The following PARD3B variants were observed in gnomAD, a reference collection of about 807,000 sequenced individuals.
PARD3B encodes par-3 family cell polarity regulator beta.
PARD3B carries 103 observed loss-of-function variants against 130.2 expected under a neutral mutation model. The ratio of observed to expected loss-of-function variants is 0.79; its 90% CI spans 0.67 to 0.93. The LOEUF (loss-of-function observed/expected upper bound fraction) is 0.93, where lower values mean the gene tolerates loss of function less well. Ranked by LOEUF, PARD3B falls within the 40% of genes least tolerant of loss-of-function variation. The probability of loss-of-function intolerance (pLI) is 0.00; values close to 1 mark genes in which losing one functional copy is unlikely to be tolerated. For synonymous variants in PARD3B, 583 were observed against 553.2 expected, an observed-to-expected ratio of 1.05 and a Z score of -0.76; for missense variants, 1,609 against 1,499.2, an observed-to-expected ratio of 1.07 and a Z score of -1.21.
intron 10 of PARD3B, among the ~76,000 whole-genome samples, chr2:205,144,117 T>C (rs560428432): frequency 6.6e-6 from 1 of 152,330 alleles, no homozygotes; most frequent in South Asian, 2.1e-4. Context: ...GCGAATTCAT[T>C]TGGCCAATAA....
At chr2:204,596,112 C>T (rs777405538) in intron 1 of PARD3B, among the ~76,000 whole-genome samples, 1 of 152,170 alleles carries the variant, frequency 6.6e-6, no homozygotes, top group Admixed American at 6.5e-5. Context: ...TAAACAATTA[C>T]ATTTAGAATT....
chr2:205,523,243 TTATATATATA>T (rs1210115446), intron 21 of PARD3B, among the ~76,000 whole-genome samples: 1 of 144,322 alleles, frequency 6.9e-6, no homozygotes, highest in South Asian at 2.1e-4. Context: ...ATATATATAT[TTATATATATA>T]TATATTTTTG....
chr2:205,613,027 T>C (rs963177250), intron 22 of PARD3B, among the ~76,000 whole-genome samples: 13 of 152,104 alleles, frequency 8.5e-5, no homozygotes, highest in African/African-American at 3.1e-4. Context: ...TCCAAAAATT[T>C]AAAAAAACAA....
At chr2:205,181,183 T>A (rs2035767140) in intron 13 of PARD3B, among the ~76,000 whole-genome samples, 1 of 152,182 alleles carries the variant, frequency 6.6e-6, no homozygotes, top group African/African-American at 2.4e-5. Context: ...GGTGGTTCTG[T>A]GACCTGTCTC....
rs2042014641 is a variant in PARD3B at position 205,301,892 on chromosome 2, C to G, written c.2630+191C>G. On this transcript the variant is annotated intron_variant, in intron 18 of 22. Transcript: ENST00000406610. This position sits in a 1 kb window ranked among gnomAD's most constrained non-coding sequence, Gnocchi z 5.2. ...TTTTTGGGGAAAGTTACAGTGATGA[C>G]AGGACACTGTCTTAAGTTTGTTGTC... 1.2e-6 allele frequency: 1 copy of G among 851,444 alleles called. No individual in the cohort carries two copies. The highest frequency in any genetic ancestry group is 1.7e-5 in the African/African-American group (1 of 60,174). The allele number at this position is 851,444 out of a possible 1,614,324, so 52.7% of individuals were successfully genotyped here. A position where few individuals can be genotyped will look rare whatever the true frequency, so the allele number is the denominator to read the frequency against.
At chr2:205,172,416 C>G (rs2035225905) in intron 12 of PARD3B, 35 bp downstream of exon 12, 2 of 1,589,080 alleles carry the variant, frequency 1.3e-6, no homozygotes, top group Admixed American at 1.7e-5. Context: ...AGCCAGTTGC[C>G]CAAATTGCCA....
intron 18 of PARD3B, among the ~76,000 whole-genome samples, chr2:205,305,596 A>T (rs2042159746): frequency 6.6e-6 from 1 of 152,204 alleles, no homozygotes. Flanking sequence ...ATATTTAGAT[A>T]AGAATTTTGT....
intron 18 of PARD3B, among the ~76,000 whole-genome samples, chr2:205,329,709 G>A (rs1298119067): frequency 6.6e-6 from 1 of 152,178 alleles, no homozygotes; most frequent in Admixed American, 6.5e-5. Context: ...AAATAATCAT[G>A]GCCGGGCACA....
chr2:204,784,228 C>T (rs552906934), intron 2 of PARD3B, among the ~76,000 whole-genome samples: 1 of 152,272 alleles, frequency 6.6e-6, no homozygotes, highest in South Asian at 2.1e-4. Context: ...ATCCTACATG[C>T]CTACTCTAAC....
intron 2 of PARD3B, among the ~76,000 whole-genome samples, chr2:204,845,946 G>A (rs914231902): frequency 8.5e-5 from 13 of 152,122 alleles, no homozygotes; most frequent in Middle Eastern, 3.4e-3. Flanking sequence ...AACACCATAC[G>A]TAGTTAAAAT....
In PARD3B at chr2:205,341,220, C is replaced by A. The variant is rs1205022008; in HGVS notation, c.2630+39519C>A. 2.0e-5 allele frequency among the ~76,000 whole-genome samples: 3 copies of A among 152,080 alleles called. No individual in the cohort carries two copies. Among genetic ancestry groups the A allele is most frequent in the Admixed American group, 2.0e-4 (3 of 15,278 alleles). Reference sequence around the variant, plus strand: ...CTATATTAAAATTAGGACTGCCATGCAATCCAACAATCCCACTACTGGGTA... The same window carrying A: ...CTATATTAAAATTAGGACTGCCATGAAATCCAACAATCCCACTACTGGGTA... On this transcript the variant is annotated intron_variant, in intron 18 of 22. Transcript: ENST00000406610. The surrounding 1 kb of genome is among the most constrained non-coding windows in gnomAD (Gnocchi z 4.3).
chr2:205,092,427 A>G (rs1702162758), intron 4 of PARD3B, among the ~76,000 whole-genome samples: 2 of 152,172 alleles, frequency 1.3e-5, no homozygotes, highest in African/African-American at 2.4e-5. Flanking sequence ...ACATCAAGGT[A>G]GCAGAGACAA....
At chr2:205,124,061 CAT>C (rs1312163462) in intron 8 of PARD3B, among the ~76,000 whole-genome samples, 1 of 152,178 alleles carries the variant, frequency 6.6e-6, no homozygotes, top group African/African-American at 2.4e-5. Context: ...ATCTGGATAA[CAT>C]GTGCATTTCT....
At chr2:205,097,610 A>G (rs890432919) in intron 4 of PARD3B, among the ~76,000 whole-genome samples, 6 of 152,120 alleles carry the variant, frequency 3.9e-5, no homozygotes, top group African/African-American at 1.4e-4. Context: ...CTCACCCTAG[A>G]CCTACTGCAG....
intron 14 of PARD3B, among the ~76,000 whole-genome samples, chr2:205,186,873 A>G (rs2036132128): frequency 6.6e-6 from 1 of 152,216 alleles, no homozygotes; most frequent in Non-Finnish European, 1.5e-5. Flanking sequence ...TCGATTCTGA[A>G]TTGAAAATGA....
chr2:204,831,931 T>C (rs1208478753), intron 2 of PARD3B, among the ~76,000 whole-genome samples: 1 of 152,180 alleles, frequency 6.6e-6, no homozygotes, highest in Admixed American at 6.5e-5. Flanking sequence ...TGTTCAGTTA[T>C]TTTATTCACC....
intron 2 of PARD3B, among the ~76,000 whole-genome samples, chr2:204,742,821 T>C (rs1424091490): frequency 6.6e-6 from 1 of 152,206 alleles, no homozygotes; most frequent in South Asian, 2.1e-4. Context: ...TAGGATTGTT[T>C]TGCTATGTTA....
chr2:204,680,812 G>A (rs2036790032), intron 1 of PARD3B, among the ~76,000 whole-genome samples: 2 of 151,874 alleles, frequency 1.3e-5, no homozygotes, highest in Admixed American at 1.3e-4. Context: ...TTTTTCTGTG[G>A]TTGATTCTAC....
At chr2:205,004,394 T>C (rs1313292488) in intron 3 of PARD3B, among the ~76,000 whole-genome samples, 2 of 152,152 alleles carry the variant, frequency 1.3e-5, no homozygotes, top group African/African-American at 4.8e-5. Context: ...TTTAGAAAAA[T>C]AAGGTTTTGT....
Sources: gnomAD v4.1 joint callset for allele counts (sites outside exome capture counted in the v4.1 genomes callset) on GRCh38, gnomAD v4.1.1 for gene constraint, Gnocchi (gnomAD v3.1) non-coding constraint, MANE v1.5 for transcripts, NCBI Gene and HGNC (gene_info 2026-07-23, HGNC 2026-07-21) for gene names.